Variants in FHL2 observed in about 807,000 individuals in gnomAD.
FHL2 encodes the protein four and a half LIM domains protein 2.
FHL2 carries 20 observed loss-of-function variants against 32.7 expected under a neutral mutation model. That is an observed-to-expected ratio of 0.61 (90% CI 0.43 to 0.89). The LOEUF is 0.89. Among genes scored for constraint, FHL2 ranks in the 40% least tolerant of loss-of-function variants. The pLI, the probability that FHL2 is intolerant of heterozygous loss-of-function variation, is 0.00. For missense variants in FHL2, 311 were observed against 358.6 expected (o/e 0.87, Z 1.07); for synonymous variants, 123 against 128.1 (o/e 0.96, Z 0.27).
intron 5 of FHL2, among the ~76,000 whole-genome samples, chr2:105,366,066 G>C (rs1476192577): frequency 4.6e-5 from 7 of 151,350 alleles, no homozygotes; most frequent in Non-Finnish European, 2.9e-5. Flanking sequence ...AAAACCGGCT[G>C]GGCATGGTGA....
At chr2:105,426,744 C>A (rs950870970) in intron 1 of FHL2, among the ~76,000 whole-genome samples, 6 of 152,220 alleles carry the variant, frequency 3.9e-5, no homozygotes, top group Admixed American at 3.9e-4. Flanking sequence ...TGAGAACACA[C>A]GCACAGCAAC....
At chr2:105,394,417 A>AT (rs199917799) in intron 2 of FHL2, among the ~76,000 whole-genome samples, 99 of 150,618 alleles carry the variant, frequency 6.6e-4, no homozygotes, top group Non-Finnish European at 6.4e-4. Flanking sequence ...AAAAAAAAAA[A>AT]TTTATATCAG....
At chr2:105,375,822 A>C (rs939157086) in intron 3 of FHL2, 1 of 152,196 alleles carries the variant, frequency 6.6e-6, no homozygotes, top group African/African-American at 2.4e-5. Context: ...CTGGGTATGC[A>C]CTGGGAGTTG....
At chr2:105,399,166 C>T, upstream of FHL2, 1 of 1,388,484 alleles carries the variant, frequency 7.2e-7, no homozygotes, top group East Asian at 3.0e-5. Context: ...GCGGGCGCCC[C>T]CAGGCCTCGC....
chr2:105,396,565 G>T (rs1683143199), intron 2 of FHL2, 82 bp downstream of exon 2: 2 of 1,293,040 alleles, frequency 1.5e-6, no homozygotes, highest in Non-Finnish European at 1.1e-6. Context: ...GCCCAGTCAA[G>T]TTGACACATG....
intron 1 of FHL2, among the ~76,000 whole-genome samples, chr2:105,432,856 C>T (rs368185897): frequency 9.8e-5 from 15 of 152,306 alleles, no homozygotes; most frequent in African/African-American, 3.1e-4. Flanking sequence ...CCTTGTGCTA[C>T]GTATTGAAAG....
chr2:105,374,127 C>T (rs1478793034), intron 3 of FHL2: 3 of 291,652 alleles, frequency 1.0e-5, no homozygotes, highest in Non-Finnish European at 2.0e-5. Flanking sequence ...GCTGAGGGAG[C>T]CCTGCCCAAC....
chr2:105,402,563 T>A (rs1474145088), upstream of FHL2, among the ~76,000 whole-genome samples: 2 of 152,036 alleles, frequency 1.3e-5, no homozygotes, highest in Non-Finnish European at 2.9e-5. Context: ...AAATATATTT[T>A]AAAAATAAAA....
chr2:105,385,512 G>A (rs143741923), intron 3 of FHL2, among the ~76,000 whole-genome samples: 1 of 152,186 alleles, frequency 6.6e-6, no homozygotes, highest in Non-Finnish European at 1.5e-5. Flanking sequence ...GAACTGACTT[G>A]GTGCCCATTC....
chr2:105,380,505 A>C (rs906961132), intron 3 of FHL2, among the ~76,000 whole-genome samples: 22 of 152,202 alleles, frequency 1.4e-4, no homozygotes, highest in African/African-American at 5.1e-4. Context: ...CTGGAATTAC[A>C]GGCATGAGCC....
intron 3 of FHL2, among the ~76,000 whole-genome samples, chr2:105,380,229 G>C (rs560438679): frequency 6.6e-6 from 1 of 152,160 alleles, no homozygotes; most frequent in Non-Finnish European, 1.5e-5. Context: ...AGAGCTTAGA[G>C]GTAGACTAGA....
chr2:105,416,356 A>C (rs1161918256), intron 1 of FHL2, among the ~76,000 whole-genome samples: 1 of 152,202 alleles, frequency 6.6e-6, no homozygotes, highest in Non-Finnish European at 1.5e-5. Flanking sequence ...TCTGCATTCG[A>C]TCTGTGGAGT....
At chr2:105,426,028 C>A (rs1331738931) in intron 1 of FHL2, among the ~76,000 whole-genome samples, 1 of 152,142 alleles carries the variant, frequency 6.6e-6, no homozygotes, top group Non-Finnish European at 1.5e-5. Context: ...GAAATACCCA[C>A]AGGTGTGGAG....
At chr2:105,358,682 T>TTG (rs1329855601), downstream of FHL2, 5 of 152,346 alleles carry the variant, frequency 3.3e-5, no homozygotes, top group African/African-American at 1.2e-4. Context: ...AGACTTTGTG[T>TTG]TGTGTGGTTT....
chr2:105,383,168 G>C (rs1387669207), intron 3 of FHL2, among the ~76,000 whole-genome samples: 2 of 152,230 alleles, frequency 1.3e-5, no homozygotes, highest in Non-Finnish European at 2.9e-5. Flanking sequence ...TTACAGGCGT[G>C]GGCCACTGTG....
At chr2:105,366,831 C>T (rs1297489908) in intron 5 of FHL2, among the ~76,000 whole-genome samples, 1 of 152,170 alleles carries the variant, frequency 6.6e-6, no homozygotes, top group African/African-American at 2.4e-5. Context: ...CTGCAACCTC[C>T]ACCTCCCGGG....
intron 2 of FHL2, among the ~76,000 whole-genome samples, chr2:105,395,862 G>A (rs996583035): frequency 5.3e-5 from 8 of 152,168 alleles, no homozygotes; most frequent in African/African-American, 9.7e-5. Context: ...TAGTAAAGGC[G>A]TGGGCCACCG....
At chr2:105,414,492 A>C (rs1454666655) in intron 1 of FHL2, among the ~76,000 whole-genome samples, 1 of 151,462 alleles carries the variant, frequency 6.6e-6, no homozygotes, top group Non-Finnish European at 1.5e-5. Flanking sequence ...CGCCGCCATT[A>C]TCTCATTAGC....
At chr2:105,412,485 A>G (rs752985933) in intron 1 of FHL2, among the ~76,000 whole-genome samples, 1 of 152,220 alleles carries the variant, frequency 6.6e-6, no homozygotes, top group African/African-American at 2.4e-5. Flanking sequence ...AATTTTCCCA[A>G]ACTTGTAGAA....
Sources: gnomAD v4.1 joint callset for allele counts (sites outside exome capture counted in the v4.1 genomes callset) on GRCh38, gnomAD v4.1.1 for gene constraint, MANE v1.5 for transcripts, NCBI Gene and HGNC (gene_info 2026-07-23, HGNC 2026-07-21) for gene names.